The following CTNNA2 variants were observed in gnomAD, a reference collection of about 807,000 sequenced individuals.
CTNNA2 encodes catenin alpha 2.
CTNNA2 carries 42 observed loss-of-function variants against 101.0 expected under a neutral mutation model. The ratio of observed to expected loss-of-function variants is 0.42; its 90% CI spans 0.32 to 0.54. The LOEUF is 0.54. CTNNA2 is among the 20% of genes least tolerant of loss of function. CTNNA2 has a pLI of 0.14. For synonymous variants in CTNNA2, 450 were observed against 456.4 expected (o/e 0.99, Z 0.18); for missense variants, 871 against 1,223.1 (o/e 0.71, Z 4.29).
chr2:79,863,967 G>T (rs932178546), intron 4 of CTNNA2, among the ~76,000 whole-genome samples: 3 of 152,178 alleles, frequency 2.0e-5, no homozygotes, highest in Non-Finnish European at 4.4e-5. Flanking sequence ...CCTGGTGCTG[G>T]AGAAGCTTCC....
chr2:80,443,057 G>A (rs1682728190), intron 9 of CTNNA2, among the ~76,000 whole-genome samples: 1 of 152,170 alleles, frequency 6.6e-6, no homozygotes, highest in Admixed American at 6.5e-5. Flanking sequence ...TTGGTGGAAA[G>A]ATGAATTTGT....
intron 7 of CTNNA2, among the ~76,000 whole-genome samples, chr2:80,122,905 C>T (rs1051759973): frequency 6.6e-6 from 1 of 152,104 alleles, no homozygotes; most frequent in East Asian, 1.9e-4. Flanking sequence ...GTCAGCTTAT[C>T]ACCTCCTGGA....
In CTNNA2 at chr2:79,478,834, C is replaced by T. The variant is rs78513887; in HGVS notation, c.-134-26220C>T. Among the ~76,000 whole-genome samples, 1,638 of 152,266 alleles carry T rather than the reference C, an allele frequency of 0.011. 79 individuals carry two copies. The East Asian group carries it at 0.13, about 12-fold the overall frequency. On this transcript the variant is annotated intron_variant, in intron 4 of 21. Transcript: ENST00000466387. Reference sequence around the variant, plus strand: ...TGTAGTATAATACCCAACTGGCCCACTGGAAATAGTCATACATCCTTTGCT... The same window carrying T: ...TGTAGTATAATACCCAACTGGCCCATTGGAAATAGTCATACATCCTTTGCT...
intron 6 of CTNNA2, among the ~76,000 whole-genome samples, chr2:79,886,164 A>T (rs1683844943): frequency 6.6e-6 from 1 of 152,340 alleles, no homozygotes; most frequent in Non-Finnish European, 1.5e-5. Flanking sequence ...GAATTGGGCA[A>T]GATGAAATTG....
At chr2:79,497,603 C>A (rs906535745) in intron 4 of CTNNA2, among the ~76,000 whole-genome samples, 1 of 152,154 alleles carries the variant, frequency 6.6e-6, no homozygotes, top group African/African-American at 2.4e-5. Flanking sequence ...ACCTAGCACA[C>A]CCATGTCCAC....
chr2:80,170,361 T>C (rs183012845), intron 7 of CTNNA2, among the ~76,000 whole-genome samples: 1 of 152,242 alleles, frequency 6.6e-6, no homozygotes, highest in Admixed American at 6.5e-5. Context: ...TATTTCTTTC[T>C]TTGACAGTTT....
intron 7 of CTNNA2, among the ~76,000 whole-genome samples, chr2:80,220,067 T>C (rs1708491322): frequency 6.6e-6 from 1 of 152,196 alleles, no homozygotes; most frequent in African/African-American, 2.4e-5. Context: ...TTTAATACCT[T>C]ACTTTGTTTT....
chr2:80,218,948 T>G (rs889589766), intron 7 of CTNNA2, among the ~76,000 whole-genome samples: 3 of 152,198 alleles, frequency 2.0e-5, no homozygotes, highest in Admixed American at 6.5e-5. Context: ...CATTAAAACC[T>G]CAATTTAATG....
At chr2:80,470,854 A>T (rs1301008528) in intron 9 of CTNNA2, among the ~76,000 whole-genome samples, 2 of 152,206 alleles carry the variant, frequency 1.3e-5, no homozygotes, top group African/African-American at 4.8e-5. Flanking sequence ...GAGACAGATA[A>T]AAAAGGGGAG....
intron 6 of CTNNA2, among the ~76,000 whole-genome samples, chr2:79,897,073 A>T (rs147052943): frequency 3.5e-4 from 54 of 152,326 alleles, no homozygotes; most frequent in Non-Finnish European, 6.5e-4. Flanking sequence ...CTTGCTGAAA[A>T]TGACATCTCA....
At chr2:80,228,619 G>A (rs1259003531) in intron 7 of CTNNA2, among the ~76,000 whole-genome samples, 2 of 151,918 alleles carry the variant, frequency 1.3e-5, no homozygotes, top group Non-Finnish European at 2.9e-5. Flanking sequence ...TTCTTCATTT[G>A]GTGTCACAAG....
At chr2:79,472,347 G>C (rs954923892) in intron 4 of CTNNA2, among the ~76,000 whole-genome samples, 5 of 152,166 alleles carry the variant, frequency 3.3e-5, no homozygotes, top group African/African-American at 7.2e-5. Context: ...CTAGAGCTCT[G>C]TCTGCCAGGT....
At chr2:80,218,791 T>C (rs533427895) in intron 7 of CTNNA2, among the ~76,000 whole-genome samples, 6 of 152,300 alleles carry the variant, frequency 3.9e-5, no homozygotes, top group South Asian at 2.1e-4. Context: ...TTCTCCCCAT[T>C]TGACAAAGTG....
At chr2:80,009,769 A>G (rs950855460) in intron 7 of CTNNA2, among the ~76,000 whole-genome samples, 2 of 150,882 alleles carry the variant, frequency 1.3e-5, no homozygotes, top group Non-Finnish European at 2.9e-5. Context: ...AGAGACAGAG[A>G]GAGACAGAGA....
chr2:79,289,744 C>CA lies in CTNNA2; in HGVS notation c.-405-22958dup, dbSNP rs1473256007. Among the ~76,000 whole-genome samples the CA allele has an allele frequency of 2.6e-5, 4 of 151,972 alleles. 1 individual carries two copies. On this transcript the variant is annotated intron_variant, in intron 2 of 21. Coordinates refer to the CTNNA2 transcript ENST00000466387. ...TAGGCAATACAGCAAGACTCCATCTCAAAAAAAGAAATAGAAAAGAAAAGA... is the reference window on the plus strand; with the variant it reads ...TAGGCAATACAGCAAGACTCCATCTCAAAAAAAAGAAATAGAAAAGAAAAGA...
chr2:79,401,694 A>T (rs1678291721), intron 4 of CTNNA2, among the ~76,000 whole-genome samples: 1 of 151,658 alleles, frequency 6.6e-6, no homozygotes, highest in Non-Finnish European at 1.5e-5. Context: ...AAATCGAAAA[A>T]CTAAAAAAAA....
chr2:79,445,584 A>T (rs1056141037), intron 4 of CTNNA2, among the ~76,000 whole-genome samples: 10 of 152,182 alleles, frequency 6.6e-5, no homozygotes, highest in African/African-American at 2.2e-4. Flanking sequence ...AACTTCAAAC[A>T]TATCACACTT....
chr2:79,852,851 A>C, intron 3 of CTNNA2, among the ~76,000 whole-genome samples: 1 of 151,996 alleles, frequency 6.6e-6, no homozygotes. Flanking sequence ...CAGCCTCCCA[A>C]AGTGTTGGGA....
At chr2:79,256,540 T>G (rs1573001555) in intron 2 of CTNNA2, among the ~76,000 whole-genome samples, 1 of 152,170 alleles carries the variant, frequency 6.6e-6, no homozygotes, top group Admixed American at 6.6e-5. Flanking sequence ...AGGAGAAAAC[T>G]AAGAATCACT....
Sources: gnomAD v4.1 joint callset for allele counts (sites outside exome capture counted in the v4.1 genomes callset) on GRCh38, gnomAD v4.1.1 for gene constraint, MANE v1.5 for transcripts, NCBI Gene and HGNC (gene_info 2026-07-23, HGNC 2026-07-21) for gene names.